STARD13: variants seen among roughly 807,000 people sequenced by gnomAD.
STARD13 encodes StAR related lipid transfer domain containing 13, also known as stAR-related lipid transfer protein 13.
In STARD13, 62 loss-of-function variants were observed where a neutral mutation model predicts 106.4. That is an observed-to-expected ratio of 0.58 (90% CI 0.48 to 0.72). The LOEUF (loss-of-function observed/expected upper bound fraction) is 0.72, where lower values mean the gene tolerates loss of function less well. Ranked by LOEUF, STARD13 falls within the 30% of genes least tolerant of loss-of-function variation. STARD13 has a pLI of 0.00. For missense variants in STARD13, 1,387 were observed against 1,424.0 expected (o/e 0.97, Z 0.42); for synonymous variants, 565 against 553.0 (o/e 1.02, Z -0.31).
chr13:33,288,853 A>C (rs1247831179), upstream of STARD13, among the ~76,000 whole-genome samples: 1 of 152,170 alleles, frequency 6.6e-6, no homozygotes, highest in Non-Finnish European at 1.5e-5. Flanking sequence ...AATATGTAAC[A>C]TTATTTTCTC....
chr13:33,207,765 T>C (rs1362406167), intron 1 of STARD13, among the ~76,000 whole-genome samples: 2 of 152,138 alleles, frequency 1.3e-5, no homozygotes, highest in Non-Finnish European at 2.9e-5. Context: ...TCTTCCCATA[T>C]GGTGTTGCAA....
At chr13:33,470,866 C>T in the STARD13 span, among the ~76,000 whole-genome samples, 1 of 152,110 alleles carries the variant, frequency 6.6e-6, no homozygotes. Flanking sequence ...TTATCCCTTT[C>T]TGTAGGTTGC....
chr13:33,572,632 A>T, the STARD13 span, among the ~76,000 whole-genome samples: 1 of 152,184 alleles, frequency 6.6e-6, no homozygotes, highest in Admixed American at 6.6e-5. Flanking sequence ...TATCTTTTAT[A>T]CTATGTTCTA....
chr13:33,209,630 A>T (rs1030030284), intron 1 of STARD13, among the ~76,000 whole-genome samples: 1 of 152,140 alleles, frequency 6.6e-6, no homozygotes, highest in African/African-American at 2.4e-5. Context: ...TTCAATCATC[A>T]TTCCCTTTCT....
At chr13:33,272,937 G>A (rs986534483) in intron 1 of STARD13, 1 of 152,162 alleles carries the variant, frequency 6.6e-6, no homozygotes, top group Admixed American at 6.5e-5. Flanking sequence ...GGGGAGGAGG[G>A]AAAATTGGAC....
At chr13:33,470,901 T>G in the STARD13 span, among the ~76,000 whole-genome samples, 2 of 152,224 alleles carry the variant, frequency 1.3e-5, no homozygotes, top group Non-Finnish European at 2.9e-5. Context: ...GATAGTTTAT[T>G]TTGGTGTGCA....
chr13:33,401,917 A>G, the STARD13 span, among the ~76,000 whole-genome samples: 1 of 152,114 alleles, frequency 6.6e-6, no homozygotes, highest in East Asian at 1.9e-4. Context: ...ATCTTACTCC[A>G]TTATCTTTTA....
chr13:33,239,833 C>T (rs982808038), intron 1 of STARD13, among the ~76,000 whole-genome samples: 3 of 151,960 alleles, frequency 2.0e-5, no homozygotes, highest in African/African-American at 7.3e-5. Flanking sequence ...TATTTTCTTC[C>T]ATTTCATAGG....
the STARD13 span, among the ~76,000 whole-genome samples, chr13:33,583,481 T>A: frequency 6.6e-6 from 1 of 151,984 alleles, no homozygotes; most frequent in African/African-American, 2.4e-5. Flanking sequence ...GTCTTAGACC[T>A]TTTTTTTGGT....
At position 33,108,875 on chromosome 13, in the gene STARD13, C is replaced by T. The variant is rs1310970979; in HGVS notation, c.3047+998G>A. Among the ~76,000 whole-genome samples, 6 of 152,322 alleles carry T rather than the reference C, an allele frequency of 3.9e-5. No individual in the cohort carries two copies. In the East Asian group the frequency reaches 1.2e-3, roughly 29 times the overall value. On this transcript the variant is annotated intron_variant, in intron 12 of 13. Transcript: ENST00000336934. Reference sequence around the variant, plus strand: ...CACCAGATGACTAATGTCCTAATAACTTTGGTAATATGCCACCCTTATAAA... The same window carrying T: ...CACCAGATGACTAATGTCCTAATAATTTTGGTAATATGCCACCCTTATAAA...
chr13:33,267,252 G>A (rs1204230603), intron 1 of STARD13, among the ~76,000 whole-genome samples: 1 of 152,154 alleles, frequency 6.6e-6, no homozygotes. Context: ...GGCAAAAACT[G>A]ATGAAGTCAT....
intron 1 of STARD13, among the ~76,000 whole-genome samples, chr13:33,199,288 C>T (rs1433580238): frequency 2.6e-5 from 4 of 152,212 alleles, no homozygotes; most frequent in East Asian, 3.8e-4. Context: ...GTCCCCAAGA[C>T]GTGACTGTAA....
intron 11 of STARD13, among the ~76,000 whole-genome samples, chr13:33,110,475 G>T (rs1874371183): frequency 6.6e-6 from 1 of 152,154 alleles, no homozygotes; most frequent in Non-Finnish European, 1.5e-5. Context: ...GGAGAGACAG[G>T]ACCGGGATCC....
At chr13:33,536,541 A>G in the STARD13 span, among the ~76,000 whole-genome samples, 38,130 of 152,048 alleles carry the variant, frequency 0.25, 5,715 homozygotes, top group East Asian at 0.42. Flanking sequence ...TGTCTTGGTA[A>G]GATAAAAATT....
At chr13:33,279,174 C>T (rs1891621140) in intron 1 of STARD13, among the ~76,000 whole-genome samples, 1 of 152,128 alleles carries the variant, frequency 6.6e-6, no homozygotes, top group Non-Finnish European at 1.5e-5. Context: ...ACTAAATCTC[C>T]ATCTATTTAT....
At chr13:33,472,104 A>G in the STARD13 span, among the ~76,000 whole-genome samples, 1 of 152,126 alleles carries the variant, frequency 6.6e-6, no homozygotes, top group East Asian at 1.9e-4. Flanking sequence ...TTAACCATTT[A>G]AAAAATTTGC....
At chr13:33,358,303 G>A in the STARD13 span, among the ~76,000 whole-genome samples, 1 of 152,198 alleles carries the variant, frequency 6.6e-6, no homozygotes, top group Non-Finnish European at 1.5e-5. Flanking sequence ...CCTCCCCGAG[G>A]AGCACCACCC....
intron 1 of STARD13, chr13:33,188,089 A>G (rs1301332373): frequency 6.6e-6 from 1 of 152,212 alleles, no homozygotes; most frequent in Non-Finnish European, 1.5e-5. Flanking sequence ...GGGCCATGGG[A>G]AAGAGCACTG....
chr13:33,150,767 C>T (rs191946072), intron 3 of STARD13, among the ~76,000 whole-genome samples: 1 of 152,330 alleles, frequency 6.6e-6, no homozygotes, highest in Admixed American at 6.5e-5. Context: ...TTAATTTTTA[C>T]TGTTGTCTTC....
Sources: allele counts gnomAD v4.1 joint callset (sites outside exome capture counted in the v4.1 genomes callset), GRCh38; gene constraint gnomAD v4.1.1; transcripts MANE v1.5; gene names NCBI Gene and HGNC (gene_info 2026-07-23, HGNC 2026-07-21).